Variants in DCLRE1A observed in about 807,000 individuals in gnomAD.
The protein encoded by DCLRE1A is DNA cross-link repair 1A, also known as DNA cross-link repair 1A protein.
DCLRE1A carries 64 observed loss-of-function variants against 91.9 expected under a neutral mutation model. That is an observed-to-expected ratio of 0.70 (90% CI 0.57 to 0.86). The LOEUF is 0.86. Ranked by LOEUF, DCLRE1A falls within the 40% of genes least tolerant of loss-of-function variation. The pLI is 0.00. For missense variants in DCLRE1A, 1,145 were observed against 1,213.3 expected (o/e 0.94, Z 0.84); for synonymous variants, 416 against 431.1 (o/e 0.96, Z 0.43).
At chr10:113,839,218 G>C (rs951422581) in intron 7 of DCLRE1A, among the ~76,000 whole-genome samples, 7 of 151,096 alleles carry the variant, frequency 4.6e-5, no homozygotes, top group East Asian at 3.9e-4. Context: ...CCAGCTACTC[G>C]GGAGGCTGAG....
intron 7 of DCLRE1A, among the ~76,000 whole-genome samples, chr10:113,838,632 C>A (rs1242174706): frequency 6.6e-6 from 1 of 152,092 alleles, no homozygotes; most frequent in Non-Finnish European, 1.5e-5. Flanking sequence ...ATATGAAATC[C>A]CTGATTTATG....
intron 8 of DCLRE1A, 75 bp downstream of exon 8, chr10:113,836,987 G>T: frequency 7.5e-7 from 1 of 1,326,140 alleles, no homozygotes; most frequent in Non-Finnish European, 1.0e-6. Context: ...TGTTGGATTT[G>T]AACCTTATTA....
At chr10:113,842,808 CTG>C (rs988372109) in intron 5 of DCLRE1A, among the ~76,000 whole-genome samples, 46 of 152,072 alleles carry the variant, frequency 3.0e-4, no homozygotes, top group Non-Finnish European at 6.2e-4. Flanking sequence ...ATAAACCTCA[CTG>C]TCTTTTATTT....
chr10:113,842,943 T>G (rs1048666165), intron 5 of DCLRE1A, among the ~76,000 whole-genome samples: 3 of 152,106 alleles, frequency 2.0e-5, no homozygotes, highest in Admixed American at 6.5e-5. Flanking sequence ...TTAAATCAGT[T>G]AATATTGACA....
chr10:113,839,064 G>A (rs997959535), intron 7 of DCLRE1A, among the ~76,000 whole-genome samples: 3 of 152,194 alleles, frequency 2.0e-5, no homozygotes, highest in Non-Finnish European at 4.4e-5. Flanking sequence ...GGTGGCTCAC[G>A]CATGTATTCC....
At chr10:113,844,287 A>C (rs1046131069) in intron 4 of DCLRE1A, 43 bp from the exon 5 acceptor site, 1 of 1,607,734 alleles carries the variant, frequency 6.2e-7, no homozygotes, top group Non-Finnish European at 8.5e-7. Context: ...ACAGGCAAGC[A>C]CCTAAAGGAA....
At chr10:113,839,704 G>T (rs1021301420) in intron 7 of DCLRE1A, among the ~76,000 whole-genome samples, 4 of 152,032 alleles carry the variant, frequency 2.6e-5, no homozygotes, top group Admixed American at 2.0e-4. Flanking sequence ...CAGCCTAGTG[G>T]GCAGGAGGTC....
chr10:113,837,828 T>C lies in DCLRE1A; in HGVS notation c.2821-625A>G, dbSNP rs1845387061. Among the ~76,000 whole-genome samples, 3 of 152,170 alleles carry C rather than the reference T, an allele frequency of 2.0e-5. No individual in the cohort carries two copies. The South Asian group carries it at 6.2e-4, about 31-fold the overall frequency. ...GAACTTCCCCAAACTAAAGTAATCA[T>C]AAATGATGACATTTGATAAAACTCT... On this transcript the variant is annotated intron_variant, in intron 7 of 8. Transcript: ENST00000361384.
At position 113,840,688 on chromosome 10, in the gene DCLRE1A, C is replaced by T. The variant is rs1159341002; in HGVS notation, c.2820+718G>A. On this transcript the variant is annotated intron_variant, in intron 7 of 8. Coordinates refer to ENST00000361384, the MANE Select transcript of DCLRE1A (RefSeq NM_014881.5). The stretch of plus-strand genomic sequence containing the variant: ...GCTCTAGTCTTCCTGTCTCCATTGC[C>T]TCACCTCTCATTCATTCTTTTTATT... Among the ~76,000 whole-genome samples the T allele has an allele frequency of 7.9e-5, 12 of 152,290 alleles. No homozygotes were observed. The East Asian group carries it at 2.3e-3, about 29-fold the overall frequency.
Position 113,842,473 on chromosome 10 carries a change from T to C in DCLRE1A, c.2535A>G (p.Glu845=). ...CCTCTTGCTGAGATGGAAAGGTGTA[T>C]TCTGGGCTACAATATCTGTGGTATG... ...LYLDTTYCSP[E]YTFPSQQEVI... Residue 845 remains glutamate (E), a synonymous_variant, in exon 6 of 9, where the codon GAA becomes GAG. Coordinates refer to ENST00000361384, the MANE Select transcript of DCLRE1A (RefSeq NM_014881.5). 6.2e-7 allele frequency: 1 copy of C among 1,613,316 alleles called. No individual in the cohort carries two copies. Among genetic ancestry groups the C allele is most frequent in the East Asian group, 2.2e-5 (1 of 44,850 alleles).
At chr10:113,846,551 A>T (rs1375204839) in intron 3 of DCLRE1A, among the ~76,000 whole-genome samples, 3 of 152,150 alleles carry the variant, frequency 2.0e-5, no homozygotes, top group African/African-American at 4.8e-5. Context: ...GGCATTATTT[A>T]TGAATGTTTC....
intron 7 of DCLRE1A, among the ~76,000 whole-genome samples, chr10:113,839,303 G>C (rs946497442): frequency 1.5e-5 from 2 of 131,318 alleles, no homozygotes; most frequent in Non-Finnish European, 3.1e-5. Context: ...CCAGCCTGGT[G>C]GACAGAGCGA....
In DCLRE1A at chr10:113,849,174, A is replaced by G; in HGVS notation, c.1931T>C (p.Leu644Pro). The G allele has an allele frequency of 3.1e-6, 5 of 1,614,050 alleles. No individual in the cohort carries two copies. Among genetic ancestry groups the G allele is most frequent in the Non-Finnish European group, 4.2e-6 (5 of 1,179,964 alleles). ...QKKRCRKSNS[L>P]QEGACQKRSD... ...TCTCTTCTGACACGCTCCTTCCTGC[A>G]GTGAATTTGACTTTCTACATCTCTT... The change falls in exon 2 of 9, where the codon CTG becomes CCG. Residue 644 changes from leucine (L) to proline (P), a missense_variant. Physicochemically the swap from Leu to Pro is moderately conservative, Grantham distance 98. Transcript: ENST00000361384.
chr10:113,842,601 A>T, intron 5 of DCLRE1A, 113 bp from the exon 6 acceptor site: 1 of 940,940 alleles, frequency 1.1e-6, no homozygotes, highest in Non-Finnish European at 1.6e-6. Context: ...CAGCAATGTA[A>T]TATATTAATA....
At chr10:113,848,382 A>G (rs17235115) in intron 2 of DCLRE1A, among the ~76,000 whole-genome samples, 36 of 152,352 alleles carry the variant, frequency 2.4e-4, no homozygotes, top group Admixed American at 5.2e-4. Context: ...TGATGTTATG[A>G]AGTATATAAA....
chr10:113,851,127 T>C (rs1411967208), intron 1 of DCLRE1A, among the ~76,000 whole-genome samples: 4 of 152,208 alleles, frequency 2.6e-5, no homozygotes, highest in Non-Finnish European at 4.4e-5. Flanking sequence ...AGGAGTTTAG[T>C]GAAAAACCAA....
In DCLRE1A at chr10:113,845,729, T is replaced by C; in HGVS notation, c.2334A>G (p.Glu778=). Residue 778 remains glutamate, a synonymous_variant, in exon 4 of 9, where the codon GAA becomes GAG. Transcript: ENST00000361384. The part of the protein sequence containing the change: ...QYIHPLPLDT[E]CIVNGVKVVL... Reference sequence around the variant, plus strand: ...CAACTTTGACACCATTCACAATACATTCAGTGTCCAGTGGCAATGGGTGAA... The same window carrying C: ...CAACTTTGACACCATTCACAATACACTCAGTGTCCAGTGGCAATGGGTGAA... 6.2e-7 allele frequency: 1 copy of C among 1,614,172 alleles called. No homozygotes were observed. Among genetic ancestry groups the C allele is most frequent in the Admixed American group, 1.7e-5 (1 of 60,024 alleles).
Position 113,845,762 on chromosome 10 carries a change from T to C in DCLRE1A, c.2301A>G (p.Glu767=). 6.2e-7 allele frequency: 1 copy of C among 1,614,168 alleles called. No homozygotes were observed. Among genetic ancestry groups the C allele is most frequent in the Non-Finnish European group, 8.5e-7 (1 of 1,180,016 alleles). The change falls in exon 4 of 9, where the codon GAA becomes GAG. Residue 767 remains glutamate, a synonymous_variant. Coordinates refer to ENST00000361384, the MANE Select transcript of DCLRE1A (RefSeq NM_014881.5). ...NLLKNKLHVQ[E]QYIHPLPLDT... ...CCAGTGGCAATGGGTGAATATATTG[T>C]TCTTGCACATGAAGCTTGTTCTTCA...
intron 7 of DCLRE1A, among the ~76,000 whole-genome samples, chr10:113,839,570 C>T: frequency 6.6e-6 from 1 of 152,032 alleles, no homozygotes; most frequent in East Asian, 1.9e-4. Context: ...TACCCAGTCA[C>T]TTTAATGGAG....
Sources: gnomAD v4.1 joint callset for allele counts (sites outside exome capture counted in the v4.1 genomes callset) on GRCh38, gnomAD v4.1.1 for gene constraint, MANE v1.5 for transcripts, NCBI Gene and HGNC (gene_info 2026-07-23, HGNC 2026-07-21) for gene names.